Variants in TMC4 observed in about 807,000 individuals in gnomAD.
TMC4 encodes the protein voltage-gated chloride channel TMC4.
A neutral mutation model predicts 82.0 loss-of-function variants in TMC4; 70 were observed. The observed-to-expected ratio is 0.85, with a 90% CI of 0.70 to 1.04. TMC4 has a LOEUF of 1.04. TMC4 is among the 50% of genes least tolerant of loss of function. The pLI is 0.00. For synonymous variants in TMC4, 446 were observed against 406.0 expected (o/e 1.10, Z -1.18); for missense variants, 879 against 899.0 (o/e 0.98, Z 0.28).
chr19:54,170,861 T>C (rs1600593472), intron 2 of TMC4, among the ~76,000 whole-genome samples: 1 of 152,026 alleles, frequency 6.6e-6, no homozygotes, highest in Non-Finnish European at 1.5e-5. Flanking sequence ...AAATGTTATA[T>C]AGATAGCTGT....
rs370841478 is a variant in TMC4, at chr19:54,165,409, C to G, written c.945+10G>C. ...CCTACCCAGTTGCAGACCCCGCTCC[C>G]TAATCGCACCTTTAATTCGTACAAG... On this transcript the variant is annotated intron_variant, in intron 6 of 14. Coordinates refer to ENST00000619895, the MANE Select transcript of TMC4 (RefSeq NM_144686.4). The G allele has an allele frequency of 1.3e-5, 21 of 1,590,298 alleles. No individual in the cohort carries two copies. Among genetic ancestry groups the G allele is most frequent in the Admixed American group, 6.7e-5 (4 of 59,444 alleles).
chr19:54,162,893 T>C, intron 9 of TMC4, 123 bp from the exon 10 acceptor site: 1 of 1,542,384 alleles, frequency 6.5e-7, no homozygotes. Context: ...GGGTCCTCGT[T>C]TTTCAAACTT....
intron 3 of TMC4, among the ~76,000 whole-genome samples, 172 bp from the exon 4 acceptor site, chr19:54,168,852 CT>C (rs1303812399): frequency 1.8e-4 from 6 of 33,972 alleles, no homozygotes; most frequent in African/African-American, 4.2e-4. Context: ...CTTTTCTTTT[CT>C]TTTCTTTTCT....
Position 54,163,818 on chromosome 19 carries a change from C to G in TMC4, c.1183G>C (p.Ala395Pro). The change falls in exon 8 of 15, where the codon GCT (alanine) becomes CCT (proline). Residue 395 changes from alanine (A) to proline (P), a missense_variant. By Grantham distance (27) the Ala-to-Pro change is conservative. Transcript: ENST00000619895. ...GGCGGCAGCACAAAATTGACCCCAG[C>G]GATGAAGATGGACGGAAGGTAATTC... ...GVNYLPSIFI[A>P]GVNFVLPPVF... 1 of 1,613,942 alleles carries G rather than the reference C, an allele frequency of 6.2e-7. No homozygotes were observed. The highest frequency in any genetic ancestry group is 8.5e-7 in the Non-Finnish European group (1 of 1,179,994).
At chr19:54,170,152 G>A (rs1190770302) in intron 2 of TMC4, among the ~76,000 whole-genome samples, 3 of 152,038 alleles carry the variant, frequency 2.0e-5, no homozygotes, top group African/African-American at 4.8e-5. Flanking sequence ...GAAGAAGCCA[G>A]CACAAAAGAC....
chr19:54,160,850 C>G (rs763990312), intron 13 of TMC4, 28 bp downstream of exon 13: 6 of 1,611,678 alleles, frequency 3.7e-6, no homozygotes, highest in Non-Finnish European at 5.1e-6. Flanking sequence ...GCATTCAAAC[C>G]CAGACCCAGA....
chr19:54,162,675 TC>T lies in TMC4; in HGVS notation c.1499del (p.Arg500LysfsTer61). 6.2e-7 allele frequency: 1 copy of T among 1,613,492 alleles called. No individual in the cohort carries two copies. The highest frequency in any genetic ancestry group is 8.5e-7 in the Non-Finnish European group (1 of 1,179,758). On this transcript the variant is annotated frameshift_variant, in exon 10 of 15. Transcript: ENST00000619895. LOFTEE classifies it high-confidence loss of function. ...LAVALLIQFPRKLLCGLCPGA... is the reference protein window; with the variant it reads ...LAVALLIQFPXKLLCGLCPGA... ...ACAGCAAGGGGCGGGGCTCTCACTTTCTAGGAAACTGGATGAGCAGCGCGAC... is the reference window on the plus strand; with the variant it reads ...ACAGCAAGGGGCGGGGCTCTCACTTTTAGGAAACTGGATGAGCAGCGCGAC...
chr19:54,170,582 A>C (rs1456767721), intron 2 of TMC4, among the ~76,000 whole-genome samples: 2 of 150,804 alleles, frequency 1.3e-5, no homozygotes, highest in Non-Finnish European at 2.9e-5. Context: ...TAGTATTTGC[A>C]TACAGGCTAC....
chr19:54,165,833 G>A (rs2075689475), intron 5 of TMC4, among the ~76,000 whole-genome samples: 1 of 152,180 alleles, frequency 6.6e-6, no homozygotes, highest in Admixed American at 6.5e-5. Context: ...CAGAGCCTCG[G>A]AGCGAAGGGG....
intron 10 of TMC4, 101 bp downstream of exon 10, chr19:54,162,572 G>A (rs2075590985): frequency 1.0e-6 from 1 of 961,850 alleles, no homozygotes; most frequent in East Asian, 2.5e-5. Flanking sequence ...GGAGCAGGCA[G>A]AGGCGGGAAT....
intron 2 of TMC4, 85 bp downstream of exon 2, chr19:54,171,785 G>A (rs1172676051): frequency 7.7e-7 from 1 of 1,291,288 alleles, no homozygotes; most frequent in African/African-American, 1.5e-5. Flanking sequence ...GAGCGGCAGA[G>A]GACAGAGGGA....
At chr19:54,172,487 A>T (rs1428432243) in intron 1 of TMC4, among the ~76,000 whole-genome samples, 2 of 103,714 alleles carry the variant, frequency 1.9e-5, no homozygotes, top group African/African-American at 7.3e-5. Context: ...GACCCAGGAG[A>T]ACAGGCCCCC....
rs1366092058 is a variant in TMC4 at position 54,171,858 on chromosome 19, G to A, written c.293+12C>T. The A allele has an allele frequency of 3.2e-6, 5 of 1,583,608 alleles. No homozygotes were observed. The highest frequency in any genetic ancestry group is 1.7e-4 in the Middle Eastern group (1 of 5,894). On this transcript the variant is annotated intron_variant, in intron 2 of 14. Coordinates refer to ENST00000619895, the MANE Select transcript of TMC4 (RefSeq NM_144686.4). The stretch of plus-strand genomic sequence containing the variant: ...CGGGCTGTGCGGGTCCCAGCTGGAG[G>A]TGGGGCCTCACCTGTGTGCCCGTCT...
intron 10 of TMC4, 121 bp downstream of exon 10, chr19:54,162,552 G>T: frequency 1.2e-6 from 1 of 851,312 alleles, no homozygotes; most frequent in Non-Finnish European, 1.9e-6. Context: ...CGGACCTAGG[G>T]CAAGCAAAGG....
intron 8 of TMC4, 47 bp from the exon 9 acceptor site, chr19:54,163,206 T>C (rs779219774): frequency 1.2e-6 from 2 of 1,610,010 alleles, no homozygotes; most frequent in South Asian, 1.1e-5. Flanking sequence ...GTACCCACCA[T>C]GTGGCAGTTC....
chr19:54,165,530 C>T lies in TMC4; in HGVS notation c.834G>A (p.Glu278=). ...VSGLKQTLLA[E]SEALTSYSHR... ...GGCTGTAGCTGGTCAGAGCCTCGGA[C>T]TCCGCCAGCAGTGTCTGCTTCAGCC... Residue 278 remains glutamate (E), a synonymous_variant, in exon 6 of 15, where the codon GAG becomes GAA. Transcript: ENST00000619895. 6.2e-7 allele frequency: 1 copy of T among 1,611,334 alleles called. No individual in the cohort carries two copies. Among genetic ancestry groups the T allele is most frequent in the South Asian group, 1.1e-5 (1 of 90,824 alleles).
chr19:54,172,693 C>A (rs1451713798), intron 1 of TMC4: 2 of 290,072 alleles, frequency 6.9e-6, no homozygotes, highest in East Asian at 6.9e-5. Flanking sequence ...AACTCCATCC[C>A]CAAGCGTGGA....
chr19:54,171,372 G>A (rs1183435305), intron 2 of TMC4, among the ~76,000 whole-genome samples: 2 of 152,154 alleles, frequency 1.3e-5, no homozygotes, highest in African/African-American at 4.8e-5. Flanking sequence ...GCCTCCCAAA[G>A]TGCTGGGATT....
chr19:54,165,398 G>A (rs2075676901), intron 6 of TMC4, 21 bp downstream of exon 6: 1 of 1,580,190 alleles, frequency 6.3e-7, no homozygotes, highest in African/African-American at 1.3e-5. Context: ...CCCAGTTGCA[G>A]ACCCCGCTCC....
Sources: gnomAD v4.1 joint callset for allele counts (sites outside exome capture counted in the v4.1 genomes callset) on GRCh38, gnomAD v4.1.1 for gene constraint, MANE v1.5 for transcripts, NCBI Gene and HGNC (gene_info 2026-07-23, HGNC 2026-07-21) for gene names.